Variants in DDX4 observed in about 807,000 individuals in gnomAD.
DDX4 encodes the protein DEAD-box helicase 4, also known as probable ATP-dependent RNA helicase DDX4.
In DDX4, 25 loss-of-function variants were observed where a neutral mutation model predicts 100.0. The ratio of observed to expected loss-of-function variants is 0.25; its 90% confidence interval spans 0.18 to 0.35. The LOEUF (loss-of-function observed/expected upper bound fraction) is 0.35. Among genes scored for constraint, DDX4 ranks in the 10% least tolerant of loss-of-function variants. The probability of loss-of-function intolerance (pLI) is 1.00; values close to 1 mark genes in which losing one functional copy is unlikely to be tolerated. For missense variants in DDX4, 635 were observed against 882.4 expected (o/e 0.72, Z 3.55); for synonymous variants, 259 against 275.7 (o/e 0.94, Z 0.60).
chr5:55,762,083 CT>C (rs1740595306), intron 4 of DDX4, among the ~76,000 whole-genome samples: 1 of 152,140 alleles, frequency 6.6e-6, no homozygotes, highest in South Asian at 2.1e-4. Flanking sequence ...GATTAAAATA[CT>C]TTTATAGTTG....
chr5:55,770,553 A>G (rs1288544025), intron 7 of DDX4, among the ~76,000 whole-genome samples: 2 of 152,210 alleles, frequency 1.3e-5, no homozygotes, highest in African/African-American at 2.4e-5. Context: ...GGATGTGCAA[A>G]TCTATGATAA....
intron 7 of DDX4, among the ~76,000 whole-genome samples, chr5:55,770,830 C>T (rs529562585): frequency 5.0e-4 from 76 of 152,174 alleles, no homozygotes; most frequent in Non-Finnish European, 9.1e-4. Context: ...TTTTAACAAG[C>T]AATTTTTGGC....
rs994960591 is a variant in DDX4 at position 55,816,449 on chromosome 5, T to A, written c.2098-14T>A. ...TTGTTTGTTTCTTTTTTTTTTTTTT[T>A]AAATAATTACCAGGGCAAGAGCACT... On this transcript the variant is annotated splice_polypyrimidine_tract_variant and intron_variant, in intron 21 of 21. Transcript: ENST00000505374. The A allele has an allele frequency of 7.4e-5, 116 of 1,564,298 alleles. No individual in the cohort carries two copies. Among genetic ancestry groups the A allele is most frequent in the Admixed American group, 2.1e-4 (11 of 52,500 alleles).
intron 10 of DDX4, among the ~76,000 whole-genome samples, chr5:55,782,954 C>T (rs1029510841): frequency 1.3e-5 from 2 of 151,740 alleles, no homozygotes; most frequent in Non-Finnish European, 2.9e-5. Flanking sequence ...GCCACCACAC[C>T]TGGCTAATTT....
At chr5:55,804,401 C>T (rs1390953027) in intron 18 of DDX4, among the ~76,000 whole-genome samples, 1 of 152,056 alleles carries the variant, frequency 6.6e-6, no homozygotes, top group Non-Finnish European at 1.5e-5. Context: ...CTTGCCCATG[C>T]CTATGTCCTG....
At chr5:55,785,128 T>C (rs1742164256) in intron 10 of DDX4, among the ~76,000 whole-genome samples, 169 bp from the exon 11 acceptor site, 1 of 152,252 alleles carries the variant, frequency 6.6e-6, no homozygotes, top group African/African-American at 2.4e-5. Context: ...TCATCTTGAA[T>C]ACTACAGAAA....
chr5:55,816,039 A>G (rs773549097), intron 21 of DDX4, among the ~76,000 whole-genome samples: 2 of 149,890 alleles, frequency 1.3e-5, no homozygotes, highest in Non-Finnish European at 3.0e-5. Context: ...ACCTGCTTCA[A>G]CCTCCCAAAG....
At chr5:55,743,911 C>CTTTTTTT (rs35808138) in intron 2 of DDX4, among the ~76,000 whole-genome samples, 1 of 113,470 alleles carries the variant, frequency 8.8e-6, no homozygotes, top group Admixed American at 9.0e-5. Flanking sequence ...TAAAACCAGC[C>CTTTTTTT]TTTTTTTTTT....
chr5:55,748,435 A>G (rs1000417010), intron 3 of DDX4, among the ~76,000 whole-genome samples: 5 of 152,226 alleles, frequency 3.3e-5, no homozygotes, highest in African/African-American at 1.2e-4. Flanking sequence ...ATATTAACGC[A>G]TAACACTGTT....
intron 3 of DDX4, among the ~76,000 whole-genome samples, chr5:55,747,970 G>A (rs1350431122): frequency 6.6e-6 from 1 of 152,194 alleles, no homozygotes; most frequent in African/African-American, 2.4e-5. Flanking sequence ...CCTGGCCTAT[G>A]GTGGAAAACA....
intron 18 of DDX4, among the ~76,000 whole-genome samples, chr5:55,807,991 A>G (rs1743859483): frequency 6.6e-6 from 1 of 152,108 alleles, no homozygotes; most frequent in African/African-American, 2.4e-5. Flanking sequence ...ACATAGTCCC[A>G]TATTTCTTGG....
At chr5:55,786,484 A>G (rs765117440) in intron 13 of DDX4, 34 bp from the exon 14 acceptor site, 1 of 1,548,644 alleles carries the variant, frequency 6.5e-7, no homozygotes, top group East Asian at 2.3e-5. Flanking sequence ...TATGATATAT[A>G]GAATGTAATC....
In DDX4 at chr5:55,756,092, G is replaced by A. The variant is rs562738466; in HGVS notation, c.128-4108G>A. ...ATGATATTCCCTATGTAAATATACC[G>A]TAAATTAAAATATTGATGGTCATTT... On this transcript the variant is annotated intron_variant, in intron 3 of 21. Transcript: ENST00000505374. Among the ~76,000 whole-genome samples the A allele has an allele frequency of 1.7e-4, 26 of 152,174 alleles. No individual in the cohort carries two copies. In the East Asian group the frequency reaches 3.3e-3, roughly 19 times the overall value.
At chr5:55,755,833 A>G (rs1326929631) in intron 3 of DDX4, among the ~76,000 whole-genome samples, 1 of 152,134 alleles carries the variant, frequency 6.6e-6, no homozygotes, top group Non-Finnish European at 1.5e-5. Context: ...CACTCCCTGA[A>G]AGCCAGCACT....
intron 13 of DDX4, among the ~76,000 whole-genome samples, chr5:55,786,259 A>G (rs906297286): frequency 1.3e-5 from 2 of 152,128 alleles, no homozygotes; most frequent in African/African-American, 2.4e-5. Context: ...AGAATTCTTC[A>G]TATCTCATAG....
At chr5:55,758,478 C>T (rs1760081045) in intron 3 of DDX4, among the ~76,000 whole-genome samples, 1 of 152,100 alleles carries the variant, frequency 6.6e-6, no homozygotes, top group African/African-American at 2.4e-5. Flanking sequence ...ATTATTTGTC[C>T]TTTGAGAGTT....
chr5:55,756,980 G>A (rs927845967), intron 3 of DDX4, among the ~76,000 whole-genome samples: 3 of 152,120 alleles, frequency 2.0e-5, no homozygotes, highest in African/African-American at 7.2e-5. Flanking sequence ...ACATGTGAAA[G>A]TACTGTGAGA....
At chr5:55,775,045 T>C (rs1741475641) in intron 7 of DDX4, among the ~76,000 whole-genome samples, 1 of 152,206 alleles carries the variant, frequency 6.6e-6, no homozygotes, top group African/African-American at 2.4e-5. Flanking sequence ...CCCTGGTCTT[T>C]GGTAACCTCT....
intron 16 of DDX4, among the ~76,000 whole-genome samples, chr5:55,791,038 T>C (rs1462073723): frequency 6.6e-6 from 1 of 152,216 alleles, no homozygotes; most frequent in Admixed American, 6.5e-5. Flanking sequence ...GGGAAAAATG[T>C]AGTTAATAAC....
Sources: allele counts gnomAD v4.1 joint callset (sites outside exome capture counted in the v4.1 genomes callset), GRCh38; gene constraint gnomAD v4.1.1; transcripts MANE v1.5; gene names NCBI Gene and HGNC (gene_info 2026-07-23, HGNC 2026-07-21).